Variants in RABGAP1 observed in about 807,000 individuals in gnomAD.
RABGAP1 encodes rab GTPase-activating protein 1.
RABGAP1 carries 23 observed loss-of-function variants against 137.6 expected under a neutral mutation model. That is an observed-to-expected ratio of 0.17 (90% CI 0.12 to 0.24). The LOEUF is 0.24. Ranked by LOEUF, RABGAP1 falls within the 10% of genes least tolerant of loss-of-function variation. The pLI, the probability that RABGAP1 is intolerant of heterozygous loss-of-function variation, is 1.00. For synonymous variants in RABGAP1, 451 were observed against 450.7 expected, an observed-to-expected ratio of 1.00 and a Z score of -0.01; for missense variants, 906 against 1,275.8, an observed-to-expected ratio of 0.71 and a Z score of 4.42.
chr9:122,959,666 G>C (rs1834746985), intron 2 of RABGAP1, among the ~76,000 whole-genome samples: 1 of 152,204 alleles, frequency 6.6e-6, no homozygotes, highest in Admixed American at 6.5e-5. Flanking sequence ...TCCCAGCTGA[G>C]AGAGATGGTA....
At chr9:122,942,251 G>GA (rs906781703) in intron 1 of RABGAP1, among the ~76,000 whole-genome samples, 1 of 152,142 alleles carries the variant, frequency 6.6e-6, no homozygotes, top group South Asian at 2.1e-4. Context: ...AAGTAGTTGG[G>GA]AAAAAAAGCT....
At chr9:123,057,615 G>A (rs2132088651) in intron 13 of RABGAP1, among the ~76,000 whole-genome samples, 1 of 152,256 alleles carries the variant, frequency 6.6e-6, no homozygotes, top group East Asian at 1.9e-4. Flanking sequence ...ACGATGGGCG[G>A]CCAGGCAGAG....
intron 2 of RABGAP1, among the ~76,000 whole-genome samples, chr9:122,962,891 TATA>T (rs1834925187): frequency 1.3e-5 from 2 of 152,108 alleles, no homozygotes; most frequent in Non-Finnish European, 2.9e-5. Flanking sequence ...GATGGAAAAA[TATA>T]ATGCAAACAG....
chr9:123,031,823 T>C (rs1456111421), intron 13 of RABGAP1, among the ~76,000 whole-genome samples: 3 of 152,200 alleles, frequency 2.0e-5, no homozygotes, highest in Admixed American at 2.0e-4. Context: ...ATCTTCCATC[T>C]ACTGGTGGAA....
At chr9:122,967,639 C>G (rs1430697862) in intron 2 of RABGAP1, among the ~76,000 whole-genome samples, 2 of 152,164 alleles carry the variant, frequency 1.3e-5, no homozygotes, top group Admixed American at 6.5e-5. Flanking sequence ...CTTACTCTTC[C>G]TGTTTCTACT....
intron 13 of RABGAP1, among the ~76,000 whole-genome samples, chr9:123,052,844 G>A (rs575371053): frequency 8.5e-5 from 13 of 152,340 alleles, no homozygotes; most frequent in Admixed American, 5.9e-4. Context: ...GGAGGCTGAG[G>A]CAGGAAAATC....
At chr9:123,059,777 A>G (rs932021470) in intron 13 of RABGAP1, among the ~76,000 whole-genome samples, 5 of 152,016 alleles carry the variant, frequency 3.3e-5, no homozygotes, top group Non-Finnish European at 7.4e-5. Flanking sequence ...TTCACCAAAC[A>G]CTGAATTTTC....
At chr9:123,042,722 C>T (rs149150536) in intron 13 of RABGAP1, among the ~76,000 whole-genome samples, 130 of 152,172 alleles carry the variant, frequency 8.5e-4, no homozygotes, top group African/African-American at 2.9e-3. Flanking sequence ...AGCTGACTAA[C>T]AGAATCTTCA....
chr9:123,033,546 A>G (rs547639482), intron 13 of RABGAP1: 1 of 152,320 alleles, frequency 6.6e-6, no homozygotes, highest in South Asian at 2.1e-4. Flanking sequence ...GTGCACGTAC[A>G]GGCTTTTTCT....
At position 123,065,268 on chromosome 9, in the gene RABGAP1, T is replaced by C. The variant is rs2034132189; in HGVS notation, c.1795-80T>C. 38 of 996,376 alleles carry C rather than the reference T, an allele frequency of 3.8e-5. No individual in the cohort carries two copies. In the South Asian group the frequency reaches 5.5e-4, roughly 15 times the overall value. 61.7% of individuals were successfully genotyped at this position (996,376 alleles called of 1,614,324 possible). Reference sequence around the variant, plus strand: ...CCCTGCAACATTTAAAGTGTGTAAATGAGAAGACCTTGCCTAAACCTGAAT... The same window carrying C: ...CCCTGCAACATTTAAAGTGTGTAAACGAGAAGACCTTGCCTAAACCTGAAT... On this transcript the variant is annotated intron_variant, in intron 13 of 25. Coordinates refer to ENST00000373647, the MANE Select transcript of RABGAP1 (RefSeq NM_012197.4).
Position 122,957,147 on chromosome 9 carries a change from A to G in RABGAP1, c.88A>G (p.Arg30Gly). The stretch of plus-strand genomic sequence containing the variant: ...TAGTGAAGATTTTGTCTTGGTTTCC[A>G]GGCAAGGAGATGAGACACCATCTAC... ...LNSEDFVLVS[R>G]QGDETPSTNN... Residue 30 changes from arginine (R) to glycine (G), a missense_variant, in exon 2 of 26, where the codon AGG (arginine) becomes GGG (glycine). Around this residue, in one of 9 missense-constraint regions of RABGAP1, gnomAD observed 331 missense variants for 358.3 expected, o/e 0.92. Transcript: ENST00000373647. The G allele has an allele frequency of 6.4e-7, 1 of 1,573,382 alleles. No homozygotes were observed. The highest frequency in any genetic ancestry group is 8.7e-7 in the Non-Finnish European group (1 of 1,151,730).
chr9:122,989,846 A>T, intron 5 of RABGAP1: 2 of 544,188 alleles, frequency 3.7e-6, no homozygotes, highest in Non-Finnish European at 6.3e-6. Flanking sequence ...TTGGATTTAT[A>T]GTGCTTACAA....
chr9:122,950,377 CTTTT>C (rs200424486), intron 1 of RABGAP1, among the ~76,000 whole-genome samples: 71 of 74,494 alleles, frequency 9.5e-4, no homozygotes, highest in East Asian at 3.2e-3. Context: ...CTTTTTCTTT[CTTTT>C]TTTTTTTTTT....
At chr9:122,953,634 C>T (rs1188810992) in intron 1 of RABGAP1, among the ~76,000 whole-genome samples, 3 of 152,188 alleles carry the variant, frequency 2.0e-5, no homozygotes, top group African/African-American at 4.8e-5. Context: ...CTCTTGACCT[C>T]GTGATCCACC....
intron 2 of RABGAP1, among the ~76,000 whole-genome samples, chr9:122,982,553 C>G (rs1836126758): frequency 6.6e-6 from 1 of 152,168 alleles, no homozygotes; most frequent in Non-Finnish European, 1.5e-5. Flanking sequence ...CTAATATCTT[C>G]TCTCATCTGT....
At chr9:122,990,005 G>A in intron 5 of RABGAP1, 51 bp from the exon 6 acceptor site, 2 of 1,463,472 alleles carry the variant, frequency 1.4e-6, no homozygotes, top group Non-Finnish European at 9.3e-7. Context: ...CTTAATAAAG[G>A]TATTTTATAT....
rs1191916089 is a variant in RABGAP1, at chr9:122,989,440, T to C, written c.734T>C (p.Ile245Thr). ...CATTACAATGCAGAGCTCTTCAGAA[T>C]ACACGTCTTCCGGTGTGAAATACAA... ...ESHYNAELFR[I>T]HVFRCEIQEA... Residue 245 changes from isoleucine to threonine, a missense_variant, in exon 5 of 26, where the codon ATA becomes ACA. By Grantham distance (89) the Ile-to-Thr change is moderately conservative. This residue lies in a region of RABGAP1 where 331 missense variants were observed against 358.3 expected (regional missense o/e 0.92). Transcript: ENST00000373647. 1 of 1,614,080 alleles carries C rather than the reference T, an allele frequency of 6.2e-7. No homozygotes were observed. Among genetic ancestry groups the C allele is most frequent in the Non-Finnish European group, 8.5e-7 (1 of 1,180,004 alleles).
chr9:123,033,839 T>C (rs1438557762), intron 13 of RABGAP1: 7 of 152,266 alleles, frequency 4.6e-5, no homozygotes, highest in African/African-American at 1.7e-4. Flanking sequence ...GTAAATTATC[T>C]TGGCTAATTT....
intron 13 of RABGAP1, among the ~76,000 whole-genome samples, chr9:123,022,530 C>T (rs945626692): frequency 6.6e-6 from 1 of 151,606 alleles, no homozygotes; most frequent in African/African-American, 2.4e-5. Flanking sequence ...CCGCAGCCCC[C>T]TGAGTAGGTG....
Sources: allele counts gnomAD v4.1 joint callset (sites outside exome capture counted in the v4.1 genomes callset), GRCh38; gene constraint gnomAD v4.1.1; regional missense constraint gnomAD v4.1.1; transcripts MANE v1.5; gene names NCBI Gene and HGNC (gene_info 2026-07-23, HGNC 2026-07-21).